The following ARL6IP6 variants were observed in gnomAD, a reference collection of about 807,000 sequenced individuals.
ARL6IP6 encodes the protein ARF like GTPase 6 interacting protein 6.
Under a neutral mutation model 21.5 loss-of-function variants are expected in ARL6IP6, and 22 were observed. The ratio of observed to expected loss-of-function variants is 1.02; its 90% CI spans 0.73 to 1.46. The LOEUF (loss-of-function observed/expected upper bound fraction) is 1.46, where lower values mean the gene tolerates loss of function less well. Among genes scored for constraint, ARL6IP6 ranks in the 40% most tolerant of loss-of-function variants. The probability of loss-of-function intolerance (pLI) is 0.00; values close to 1 mark genes in which losing one functional copy is unlikely to be tolerated. For missense variants in ARL6IP6, 388 were observed against 299.8 expected (o/e 1.29, Z -2.17); for synonymous variants, 164 against 125.3 (o/e 1.31, Z -2.06).
At chr2:152,732,184 T>G (rs970362932) in intron 2 of ARL6IP6, among the ~76,000 whole-genome samples, 3 of 151,958 alleles carry the variant, frequency 2.0e-5, no homozygotes, top group African/African-American at 7.2e-5. Flanking sequence ...TATACAGAGA[T>G]ATATTGTCCT....
intron 3 of ARL6IP6, among the ~76,000 whole-genome samples, chr2:152,755,423 G>A (rs1052457298): frequency 3.3e-5 from 5 of 152,194 alleles, no homozygotes; most frequent in Non-Finnish European, 7.4e-5. Flanking sequence ...CTGTGATGCT[G>A]TGCTTCATTG....
At chr2:152,720,157 A>G (rs1699713183) in intron 1 of ARL6IP6, 1 of 328,044 alleles carries the variant, frequency 3.0e-6, no homozygotes, top group Non-Finnish European at 5.9e-6. Flanking sequence ...GCTCGGAGAC[A>G]TTGCCTTTGT....
In ARL6IP6 at chr2:152,718,756, G is replaced by A; in HGVS notation, c.132G>A (p.Glu44=). 2 of 1,610,472 alleles carry A rather than the reference G, an allele frequency of 1.2e-6. No individual in the cohort carries two copies. Among genetic ancestry groups the A allele is most frequent in the African/African-American group, 1.3e-5 (1 of 75,014 alleles). The change falls in exon 1 of 4, where the codon GAG becomes GAA. Residue 44 remains glutamate, a synonymous_variant. Transcript: ENST00000326446. ...GCTGGGGTGAAGGCGAAGTCGACGA[G>A]GAGGAGGGATGCGACCAAGTGGCCC... The part of the protein sequence containing the change: ...GDSWGEGEVD[E]EEGCDQVARD...
chr2:152,719,936 T>TA (rs1448800609), intron 1 of ARL6IP6: 1 of 386,902 alleles, frequency 2.6e-6, no homozygotes. Context: ...TCTAAAACCT[T>TA]ACAATGCTTG....
At chr2:152,753,781 G>A (rs1449803991) in intron 3 of ARL6IP6, among the ~76,000 whole-genome samples, 1 of 147,846 alleles carries the variant, frequency 6.8e-6, no homozygotes, top group Non-Finnish European at 1.5e-5. Context: ...CTCACTGCAA[G>A]CTCTGCCTCC....
At chr2:152,737,962 A>G (rs532531933) in intron 3 of ARL6IP6, among the ~76,000 whole-genome samples, 3 of 152,304 alleles carry the variant, frequency 2.0e-5, no homozygotes, top group African/African-American at 7.2e-5. Context: ...TGAGACAAGG[A>G]AAGTCCCTTC....
chr2:152,748,019 C>T (rs1701140672), intron 3 of ARL6IP6, among the ~76,000 whole-genome samples: 1 of 152,184 alleles, frequency 6.6e-6, no homozygotes, highest in Admixed American at 6.5e-5. Context: ...TTCTCTATCT[C>T]CTGTATGTAA....
chr2:152,743,204 G>A (rs1221931027), intron 3 of ARL6IP6, among the ~76,000 whole-genome samples: 1 of 151,880 alleles, frequency 6.6e-6, no homozygotes, highest in Non-Finnish European at 1.5e-5. Context: ...TCATCTAGTG[G>A]TGAAAGTATG....
chr2:152,729,584 C>T (rs1487667162), intron 2 of ARL6IP6, among the ~76,000 whole-genome samples: 1 of 151,990 alleles, frequency 6.6e-6, no homozygotes, highest in African/African-American at 2.4e-5. Context: ...AAAAAACACA[C>T]ACACAACAGA....
At chr2:152,737,754 C>T (rs755797053) in intron 3 of ARL6IP6, among the ~76,000 whole-genome samples, 8 of 152,156 alleles carry the variant, frequency 5.3e-5, no homozygotes, top group Admixed American at 2.0e-4. Flanking sequence ...ACCTCCCACA[C>T]GGTCCCTCCC....
At chr2:152,745,448 C>T (rs529801920) in intron 3 of ARL6IP6, among the ~76,000 whole-genome samples, 68 of 152,196 alleles carry the variant, frequency 4.5e-4, no homozygotes, top group South Asian at 4.1e-3. Flanking sequence ...AAATAATATA[C>T]GAGTGTTACA....
chr2:152,752,655 T>C (rs1701394037), intron 3 of ARL6IP6, among the ~76,000 whole-genome samples: 1 of 152,180 alleles, frequency 6.6e-6, no homozygotes, highest in Non-Finnish European at 1.5e-5. Context: ...TGGCTGCCTC[T>C]CATCTGGATG....
intron 2 of ARL6IP6, among the ~76,000 whole-genome samples, chr2:152,729,978 T>A (rs1445178605): frequency 6.6e-6 from 1 of 152,146 alleles, no homozygotes; most frequent in Non-Finnish European, 1.5e-5. Flanking sequence ...TGTTGGGGAG[T>A]TACCATTTTC....
At chr2:152,719,752 A>G (rs1451542492) in intron 1 of ARL6IP6, 4 of 39,620 alleles carry the variant, frequency 1.0e-4, no homozygotes, top group Admixed American at 6.2e-4. Context: ...AAGTTACTGA[A>G]AAAAAAAAAA....
At chr2:152,753,692 A>T (rs1574068869) in intron 3 of ARL6IP6, among the ~76,000 whole-genome samples, 1 of 129,090 alleles carries the variant, frequency 7.7e-6, no homozygotes. Context: ...CCCTTCATTC[A>T]GGTCCTCTTT....
Position 152,759,836 on chromosome 2 carries a change from T to C in ARL6IP6, c.677T>C (p.Met226Thr), listed in dbSNP as rs1701752621. The change falls in exon 4 of 4, where the codon ATG (methionine) becomes ACG (threonine). Residue 226 changes from methionine (M) to threonine (T), a missense_variant. By Grantham distance (81) the Met-to-Thr change is moderately conservative. Coordinates refer to ENST00000326446, the MANE Select transcript of ARL6IP6 (RefSeq NM_152522.7). ...VAALTVAWCL[M>T] ...GCTCTTACTGTAGCATGGTGCCTCA[T>C]GTAAACCCACACTGGAGCGATATTG... The C allele has an allele frequency of 6.2e-7, 1 of 1,611,814 alleles. No individual in the cohort carries two copies. The highest frequency in any genetic ancestry group is 8.5e-7 in the Non-Finnish European group (1 of 1,177,950).
At chr2:152,739,381 T>C (rs932061689) in intron 3 of ARL6IP6, among the ~76,000 whole-genome samples, 2 of 152,198 alleles carry the variant, frequency 1.3e-5, no homozygotes, top group Admixed American at 6.5e-5. Context: ...CTCTCTCAAG[T>C]TCGAAGTTCC....
chr2:152,722,799 T>G (rs1699853510), intron 2 of ARL6IP6, among the ~76,000 whole-genome samples: 1 of 152,088 alleles, frequency 6.6e-6, no homozygotes, highest in Non-Finnish European at 1.5e-5. Flanking sequence ...TCCCACCTAC[T>G]CGGGAGGCTG....
intron 3 of ARL6IP6, among the ~76,000 whole-genome samples, chr2:152,757,542 GGA>G (rs2105194672): frequency 6.7e-6 from 1 of 148,894 alleles, no homozygotes; most frequent in African/African-American, 2.6e-5. Flanking sequence ...TTTTGACAAA[GGA>G]GAACCATAAT....
Sources: allele counts gnomAD v4.1 joint callset (sites outside exome capture counted in the v4.1 genomes callset), GRCh38; gene constraint gnomAD v4.1.1; transcripts MANE v1.5; gene names NCBI Gene and HGNC (gene_info 2026-07-23, HGNC 2026-07-21).